The following NFXL1 variants were observed in gnomAD, a reference collection of about 807,000 sequenced individuals.
NFXL1 encodes the protein NF-X1-type zinc finger protein NFXL1.
A neutral mutation model predicts 123.3 loss-of-function variants in NFXL1; 66 were observed. That is an observed-to-expected ratio of 0.54 (90% CI 0.44 to 0.66). NFXL1 has a LOEUF of 0.66. Ranked by LOEUF, NFXL1 falls within the 30% of genes least tolerant of loss-of-function variation. NFXL1 has a pLI of 0.00. For missense variants in NFXL1, 944 were observed against 1,125.6 expected, an observed-to-expected ratio of 0.84 and a Z score of 2.31; for synonymous variants, 346 against 360.8, an observed-to-expected ratio of 0.96 and a Z score of 0.46.
chr4:47,906,581 G>GT (rs200127344), intron 3 of NFXL1, among the ~76,000 whole-genome samples: 1 of 152,078 alleles, frequency 6.6e-6, no homozygotes, highest in Non-Finnish European at 1.5e-5. Flanking sequence ...AAACATTGAA[G>GT]TTTTTAAAAA....
At chr4:47,856,903 T>C (rs952653738) in intron 19 of NFXL1, among the ~76,000 whole-genome samples, 1 of 152,192 alleles carries the variant, frequency 6.6e-6, no homozygotes, top group African/African-American at 2.4e-5. Flanking sequence ...TTGTATTGCT[T>C]AATTTCATTC....
chr4:47,860,183 T>G (rs954528073), intron 19 of NFXL1, among the ~76,000 whole-genome samples: 1 of 152,164 alleles, frequency 6.6e-6, no homozygotes, highest in Non-Finnish European at 1.5e-5. Context: ...CATTCCACAA[T>G]GTATACATAT....
At chr4:47,857,629 T>G (rs1211065850) in intron 19 of NFXL1, among the ~76,000 whole-genome samples, 4 of 152,158 alleles carry the variant, frequency 2.6e-5, no homozygotes, top group Non-Finnish European at 5.9e-5. Flanking sequence ...TCTAAACCCT[T>G]CATTTGACCC....
chr4:47,850,180 C>T (rs1317233534), intron 22 of NFXL1, among the ~76,000 whole-genome samples: 1 of 152,022 alleles, frequency 6.6e-6, no homozygotes, highest in East Asian at 1.9e-4. Context: ...CCTAGGATTC[C>T]AGCCAACTTA....
Position 47,883,564 on chromosome 4 carries a change from T to C in NFXL1, c.1916+782A>G, listed in dbSNP as rs577707312. ...CTACAGACTAAAATTACCCTATTTG[T>C]GCATATATCTCCTAACAACACTTTG... On this transcript the variant is annotated intron_variant, in intron 15 of 22. Transcript: ENST00000507489. 1.2e-4 allele frequency among the ~76,000 whole-genome samples: 19 copies of C among 152,340 alleles called. No homozygotes were observed. In the South Asian group the frequency reaches 3.7e-3, roughly 30 times the overall value.
At chr4:47,897,383 A>T (rs201851464) in intron 9 of NFXL1, among the ~76,000 whole-genome samples, 1 of 152,206 alleles carries the variant, frequency 6.6e-6, no homozygotes, top group South Asian at 2.1e-4. Context: ...AAGTATTAGA[A>T]GTAGTCTTAT....
intron 18 of NFXL1, among the ~76,000 whole-genome samples, chr4:47,865,255 C>T (rs1490519942): frequency 6.6e-6 from 1 of 151,716 alleles, no homozygotes; most frequent in East Asian, 1.9e-4. Context: ...TGAAAGCAAA[C>T]GAAATTATTA....
chr4:47,851,909 C>A lies in NFXL1; in HGVS notation c.2455G>T (p.Val819Phe). ...LQCNKVRENQ[V>F]SIECDTTCKE... The stretch of plus-strand genomic sequence containing the variant: ...CACGTTGTGTCACATTCTATTGAAA[C>A]CTGATTTTCACGTACTTTGTTGCAC... The change falls in exon 21 of 23, where the codon GTT becomes TTT. Residue 819 changes from valine to phenylalanine, a missense_variant. By Grantham distance (50) the Val-to-Phe change is conservative. Around this residue, in one of 4 missense-constraint regions of NFXL1, gnomAD observed 301 missense variants for 348.0 expected, o/e 0.86. Coordinates refer to ENST00000507489, the MANE Select transcript of NFXL1 (RefSeq NM_001278624.2). The A allele has an allele frequency of 2.5e-6, 4 of 1,611,774 alleles. No homozygotes were observed. Among genetic ancestry groups the A allele is most frequent in the Non-Finnish European group, 3.4e-6 (4 of 1,178,152 alleles).
At chr4:47,877,024 T>C (rs1214956362) in intron 17 of NFXL1, 2 of 1,237,438 alleles carry the variant, frequency 1.6e-6, no homozygotes, top group Non-Finnish European at 2.1e-6. Context: ...AAAGAGTTTA[T>C]TTCATTTGCT....
At chr4:47,871,182 C>T (rs1382775179) in intron 18 of NFXL1, among the ~76,000 whole-genome samples, 1 of 151,906 alleles carries the variant, frequency 6.6e-6, no homozygotes, top group Non-Finnish European at 1.5e-5. Context: ...AACCCTGTCT[C>T]TACTAAAAAA....
chr4:47,851,207 T>C (rs1734099736), intron 21 of NFXL1, 59 bp from the exon 22 acceptor site: 1 of 1,225,952 alleles, frequency 8.2e-7, no homozygotes, highest in African/African-American at 1.5e-5. Flanking sequence ...TATATGGAAT[T>C]TTAACATCTA....
At chr4:47,857,983 C>A (rs1379198108) in intron 19 of NFXL1, among the ~76,000 whole-genome samples, 1 of 152,212 alleles carries the variant, frequency 6.6e-6, no homozygotes, top group East Asian at 1.9e-4. Flanking sequence ...CCCACAACGT[C>A]TTCTCTCTCC....
chr4:47,885,478 T>C lies in NFXL1; in HGVS notation c.1824+20A>G, dbSNP rs750165322. 21 of 1,575,762 alleles carry C rather than the reference T, an allele frequency of 1.3e-5. No homozygotes were observed. The highest frequency in any genetic ancestry group is 4.5e-5 in the South Asian group (4 of 88,552). Reference sequence around the variant, plus strand: ...AACCCACAGCAATGCACTATTTCTCTAATAGTATTATTCCCTTACCCTGCC... The same window carrying C: ...AACCCACAGCAATGCACTATTTCTCCAATAGTATTATTCCCTTACCCTGCC... On this transcript the variant is annotated intron_variant, in intron 14 of 22. Coordinates refer to ENST00000507489, the MANE Select transcript of NFXL1 (RefSeq NM_001278624.2).
intron 2 of NFXL1, 70 bp downstream of exon 2, chr4:47,913,899 G>C (rs774658173): frequency 9.8e-7 from 1 of 1,019,392 alleles, no homozygotes; most frequent in Non-Finnish European, 1.4e-6. Flanking sequence ...AGGCGAGGGC[G>C]GAGGCGGTCC....
chr4:47,870,861 G>T (rs1274500120), intron 18 of NFXL1, among the ~76,000 whole-genome samples: 1 of 151,986 alleles, frequency 6.6e-6, no homozygotes, highest in Non-Finnish European at 1.5e-5. Flanking sequence ...AAACAAAGAT[G>T]GAAACACATC....
At chr4:47,911,549 T>C (rs1490035504) in intron 2 of NFXL1, among the ~76,000 whole-genome samples, 1 of 152,196 alleles carries the variant, frequency 6.6e-6, no homozygotes, top group Admixed American at 6.5e-5. Flanking sequence ...ATCGGCTTCT[T>C]AGGTCAAGAA....
At chr4:47,888,916 T>C (rs1042573023) in intron 12 of NFXL1, among the ~76,000 whole-genome samples, 1 of 152,204 alleles carries the variant, frequency 6.6e-6, no homozygotes, top group Non-Finnish European at 1.5e-5. Context: ...TTTGCTGATA[T>C]GAAGAAATAT....
At chr4:47,860,939 G>A (rs890377724) in intron 19 of NFXL1, among the ~76,000 whole-genome samples, 12 of 151,098 alleles carry the variant, frequency 7.9e-5, no homozygotes, top group African/African-American at 2.0e-4. Flanking sequence ...TGCAACTTCC[G>A]CCTCCTGGGT....
intron 18 of NFXL1, among the ~76,000 whole-genome samples, chr4:47,873,474 C>T (rs890340842): frequency 1.3e-5 from 2 of 152,156 alleles, no homozygotes; most frequent in African/African-American, 2.4e-5. Flanking sequence ...CAGGCACGAA[C>T]ACAACATTCA....
Sources: gnomAD v4.1 joint callset for allele counts (sites outside exome capture counted in the v4.1 genomes callset) on GRCh38, gnomAD v4.1.1 for gene constraint, gnomAD v4.1.1 regional missense constraint, MANE v1.5 for transcripts, NCBI Gene and HGNC (gene_info 2026-07-23, HGNC 2026-07-21) for gene names.